SULF1: variants seen among roughly 807,000 people sequenced by gnomAD.
The protein encoded by SULF1 is sulfatase 1.
SULF1 carries 46 observed loss-of-function variants against 110.5 expected under a neutral mutation model. The ratio of observed to expected loss-of-function variants is 0.42; its 90% CI spans 0.33 to 0.53. The LOEUF is 0.53. Ranked by LOEUF, SULF1 falls within the 20% of genes least tolerant of loss-of-function variation. SULF1 has a pLI of 0.12. For synonymous variants in SULF1, 371 were observed against 387.1 expected (o/e 0.96, Z 0.49); for missense variants, 941 against 1,094.2 (o/e 0.86, Z 1.98).
intron 3 of SULF1, among the ~76,000 whole-genome samples, chr8:69,526,426 T>TA (rs1227366129): frequency 5.3e-5 from 8 of 152,014 alleles, no homozygotes; most frequent in Non-Finnish European, 1.2e-4. Flanking sequence ...AGTCAATTTT[T>TA]AAAAAATCTT....
chr8:69,578,025 A>G (rs1315663892), intron 6 of SULF1, among the ~76,000 whole-genome samples: 1 of 152,186 alleles, frequency 6.6e-6, no homozygotes, highest in Non-Finnish European at 1.5e-5. Flanking sequence ...TTGCTGTACA[A>G]ACTGCTTGCT....
At chr8:69,628,040 A>T in intron 17 of SULF1, 131 bp from the exon 18 acceptor site, 1 of 922,942 alleles carries the variant, frequency 1.1e-6, no homozygotes, top group South Asian at 1.6e-5. Context: ...GAAAGTAAAA[A>T]GTCACATTCA....
chr8:69,612,266 G>A (rs1173103202), intron 13 of SULF1, among the ~76,000 whole-genome samples: 3 of 152,116 alleles, frequency 2.0e-5, no homozygotes, highest in African/African-American at 7.2e-5. Context: ...GGGCATTTAG[G>A]CTGGGTTCCA....
intron 10 of SULF1, among the ~76,000 whole-genome samples, chr8:69,602,462 A>C (rs1807902681): frequency 6.6e-6 from 1 of 152,226 alleles, no homozygotes. Context: ...CTAAAAGAAA[A>C]AGTGGAAGTA....
At chr8:69,568,777 G>A (rs1039548218) in intron 5 of SULF1, among the ~76,000 whole-genome samples, 2 of 152,198 alleles carry the variant, frequency 1.3e-5, no homozygotes, top group East Asian at 3.9e-4. Flanking sequence ...ACGCAAGGAA[G>A]TGATCAACAT....
intron 3 of SULF1, among the ~76,000 whole-genome samples, chr8:69,534,462 C>T (rs551263926): frequency 5.3e-5 from 8 of 151,978 alleles, no homozygotes; most frequent in Non-Finnish European, 1.2e-4. Context: ...TTGAAGAGGC[C>T]AACTCTGAAG....
At chr8:69,533,856 G>C (rs1257953393) in intron 3 of SULF1, among the ~76,000 whole-genome samples, 1 of 152,060 alleles carries the variant, frequency 6.6e-6, no homozygotes, top group Non-Finnish European at 1.5e-5. Flanking sequence ...CCTCCGATCT[G>C]TCTTTATTGT....
At chr8:69,618,079 T>C (rs1809316264) in intron 13 of SULF1, among the ~76,000 whole-genome samples, 1 of 152,202 alleles carries the variant, frequency 6.6e-6, no homozygotes, top group African/African-American at 2.4e-5. Flanking sequence ...ATTAGAATCA[T>C]CTGGGGAGCT....
At chr8:69,523,634 G>A (rs1020210870) in intron 3 of SULF1, among the ~76,000 whole-genome samples, 3 of 152,118 alleles carry the variant, frequency 2.0e-5, no homozygotes, top group African/African-American at 7.2e-5. Context: ...AGGAGGTTGA[G>A]AATGTTTACA....
chr8:69,627,384 C>G, intron 16 of SULF1, 78 bp downstream of exon 16: 1 of 993,256 alleles, frequency 1.0e-6, no homozygotes, highest in Non-Finnish European at 1.6e-6. Flanking sequence ...TCTGGTGGGA[C>G]ATACCACAGA....
chr8:69,620,719 G>A (rs1386361932), intron 13 of SULF1, among the ~76,000 whole-genome samples: 4 of 152,162 alleles, frequency 2.6e-5, no homozygotes, highest in Non-Finnish European at 5.9e-5. Context: ...TGAACTAACG[G>A]CTTTTACGTG....
chr8:69,514,898 A>G (rs1811817248), intron 3 of SULF1, among the ~76,000 whole-genome samples: 1 of 152,190 alleles, frequency 6.6e-6, no homozygotes. Flanking sequence ...TATCCAGGCC[A>G]CACTGCTGCA....
At chr8:69,632,924 G>T (rs1360894531) in intron 19 of SULF1, among the ~76,000 whole-genome samples, 1 of 151,844 alleles carries the variant, frequency 6.6e-6, no homozygotes, top group Non-Finnish European at 1.5e-5. Flanking sequence ...TACTCGGGAG[G>T]CTGAGGTGGG....
At position 69,604,941 on chromosome 8, in the gene SULF1, C is replaced by T. The variant is rs200020520; in HGVS notation, c.1377+9C>T. 780 of 1,613,288 alleles carry T rather than the reference C, an allele frequency of 4.8e-4. 1 individual carries two copies. The highest frequency in any genetic ancestry group is 5.8e-4 in the Non-Finnish European group (682 of 1,179,788). On this transcript the variant is annotated intron_variant, in intron 13 of 22. Transcript: ENST00000402687. Reference sequence around the variant, plus strand: ...GTGAACAACCGGGGCAGGTGAGTGACGCAGGCTTTCTTTACCACCACTCAT... The same window carrying T: ...GTGAACAACCGGGGCAGGTGAGTGATGCAGGCTTTCTTTACCACCACTCAT...
At chr8:69,502,813 G>A (rs1311637026) in intron 3 of SULF1, among the ~76,000 whole-genome samples, 6 of 150,448 alleles carry the variant, frequency 4.0e-5, no homozygotes, top group Non-Finnish European at 8.9e-5. Context: ...TCAGCCTCCC[G>A]ATTAGCTGGG....
At chr8:69,570,049 C>T (rs1805113570) in intron 5 of SULF1, among the ~76,000 whole-genome samples, 1 of 152,130 alleles carries the variant, frequency 6.6e-6, no homozygotes, top group South Asian at 2.1e-4. Context: ...ATGAAAATAA[C>T]TGTTGGCATG....
Position 69,601,820 on chromosome 8 carries a change from C to G in SULF1, c.1052C>G (p.Pro351Arg). 1 of 1,609,360 alleles carries G rather than the reference C, an allele frequency of 6.2e-7. No individual in the cohort carries two copies. The highest frequency in any genetic ancestry group is 1.1e-5 in the South Asian group (1 of 90,072). ...PFFIRGPSVE[P>R]GSIVPQIVLN... ...TTTATTCGTGGTCCAAGTGTAGAAC[C>G]AGGATCAATGTACGTATTTCTCTGT... The change falls in exon 10 of 23, where the codon CCA (proline) becomes CGA (arginine). Residue 351 changes from proline (P) to arginine (R), a missense_variant. Transcript: ENST00000402687.
intron 5 of SULF1, 126 bp from the exon 6 acceptor site, chr8:69,575,844 A>G (rs867109114): frequency 3.5e-6 from 4 of 1,153,436 alleles, no homozygotes; most frequent in Middle Eastern, 5.8e-4. Context: ...TGATCAAATT[A>G]TAGACTCCTT....
chr8:69,537,793 A>G (rs1407466721), intron 3 of SULF1, among the ~76,000 whole-genome samples: 1 of 152,110 alleles, frequency 6.6e-6, no homozygotes, highest in Non-Finnish European at 1.5e-5. Context: ...TTGACTTTCA[A>G]CTTCTCGCTT....
Sources: allele counts gnomAD v4.1 joint callset (sites outside exome capture counted in the v4.1 genomes callset), GRCh38; gene constraint gnomAD v4.1.1; transcripts MANE v1.5; gene names NCBI Gene and HGNC (gene_info 2026-07-23, HGNC 2026-07-21).